The following RIMBP2 variants were observed in gnomAD, a reference collection of about 807,000 sequenced individuals.
The protein encoded by RIMBP2 is RIMS binding protein 2, also known as RIMS-binding protein 2.
RIMBP2 carries 48 observed loss-of-function variants against 118.6 expected under a neutral mutation model. The observed-to-expected ratio is 0.40, with a 90% CI of 0.32 to 0.51. The LOEUF is 0.51. Among genes scored for constraint, RIMBP2 ranks in the 20% least tolerant of loss-of-function variants. The pLI, the probability that RIMBP2 is intolerant of heterozygous loss-of-function variation, is 0.41. For synonymous variants in RIMBP2, 762 were observed against 742.9 expected (o/e 1.03, Z -0.42); for missense variants, 1,551 against 1,768.3 (o/e 0.88, Z 2.20).
chr12:130,542,669 AG>A (rs2054722174), intron 2 of RIMBP2, among the ~76,000 whole-genome samples: 1 of 152,234 alleles, frequency 6.6e-6, no homozygotes, highest in African/African-American at 2.4e-5. Flanking sequence ...GAGAACACAG[AG>A]GCCAGCAGCC....
chr12:130,410,156 A>C (rs964431335), intron 19 of RIMBP2, among the ~76,000 whole-genome samples: 7 of 152,192 alleles, frequency 4.6e-5, no homozygotes, highest in South Asian at 4.1e-4. Context: ...AGATCTTTTC[A>C]TGTGCTTATT....
At position 130,535,780 on chromosome 12, in the gene RIMBP2, T is replaced by C. The variant is rs371107634; in HGVS notation, c.-216-17863A>G. ...ATATATATATATATATATATATATA[T>C]ATACACATATTTTTTTGAGCCAGGG... On this transcript the variant is annotated intron_variant, in intron 2 of 22. Transcript: ENST00000690449. Among the ~76,000 whole-genome samples the C allele has an allele frequency of 4.3e-3, 574 of 132,158 alleles. 7 individuals are homozygous for C. The highest frequency in any genetic ancestry group is 0.014 in the African/African-American group (512 of 36,404). The allele number at this position is 132,158 out of a possible 152,430, so 86.7% of individuals were successfully genotyped here. A position where few individuals can be genotyped will look rare whatever the true frequency, so the allele number is the denominator to read the frequency against.
intron 5 of RIMBP2, among the ~76,000 whole-genome samples, chr12:130,478,235 G>A (rs1421171346): frequency 6.6e-6 from 1 of 152,062 alleles, no homozygotes; most frequent in Middle Eastern, 3.2e-3. Flanking sequence ...TTTCCTTTCT[G>A]TCTTACTCAT....
In RIMBP2 at chr12:130,495,109, A is replaced by C. The variant is rs549381505; in HGVS notation, c.-4+11539T>G. ...GCCTGCCCTACTCCAAGATGACCTTATATTAATGACATCTGGACAGACTCA... is the reference window on the plus strand; with the variant it reads ...GCCTGCCCTACTCCAAGATGACCTTCTATTAATGACATCTGGACAGACTCA... On this transcript the variant is annotated intron_variant, in intron 4 of 22. Coordinates refer to ENST00000690449, the MANE Select transcript of RIMBP2 (RefSeq NM_001393629.1). Among the ~76,000 whole-genome samples, 26 of 152,368 alleles carry C rather than the reference A, an allele frequency of 1.7e-4. 1 individual carries two copies. The South Asian group carries it at 5.4e-3, about 32-fold the overall frequency.
intron 2 of RIMBP2, among the ~76,000 whole-genome samples, chr12:130,552,657 T>C (rs1036620585): frequency 9.8e-5 from 15 of 152,358 alleles, no homozygotes; most frequent in African/African-American, 3.6e-4. Flanking sequence ...TTGTTCATTC[T>C]GCCAGTTCAG....
chr12:130,706,707 A>C (rs1426974002), intron 1 of RIMBP2, among the ~76,000 whole-genome samples: 1 of 152,170 alleles, frequency 6.6e-6, no homozygotes, highest in Non-Finnish European at 1.5e-5. Context: ...CAGTTAAATG[A>C]GCTAGCTGGT....
intron 1 of RIMBP2, among the ~76,000 whole-genome samples, chr12:130,631,624 T>C (rs1393617854): frequency 6.6e-6 from 1 of 151,902 alleles, no homozygotes; most frequent in Non-Finnish European, 1.5e-5. Flanking sequence ...GAGAACCACT[T>C]ATCTACCACC....
At chr12:130,673,469 C>T (rs2064293458) in intron 1 of RIMBP2, among the ~76,000 whole-genome samples, 1 of 152,190 alleles carries the variant, frequency 6.6e-6, no homozygotes, top group Non-Finnish European at 1.5e-5. Flanking sequence ...AGAATCAATC[C>T]CCATGGCCCA....
chr12:130,674,421 A>G (rs2136477377), intron 1 of RIMBP2, among the ~76,000 whole-genome samples: 2 of 152,172 alleles, frequency 1.3e-5, no homozygotes, highest in East Asian at 3.9e-4. Context: ...GGGGATGAGG[A>G]CGTAGTTGTG....
intron 1 of RIMBP2, among the ~76,000 whole-genome samples, chr12:130,666,237 A>T (rs375341677): frequency 1.3e-5 from 2 of 152,198 alleles, no homozygotes; most frequent in Non-Finnish European, 2.9e-5. Flanking sequence ...TTTTATCGGA[A>T]CTATGCAAGG....
At position 130,412,694 on chromosome 12, in the gene RIMBP2, C is replaced by T. The variant is rs2075813252; in HGVS notation, c.3514G>A (p.Ala1172Thr). 1 of 1,613,872 alleles carries T rather than the reference C, an allele frequency of 6.2e-7. No individual in the cohort carries two copies. The highest frequency in any genetic ancestry group is 8.5e-7 in the Non-Finnish European group (1 of 1,179,970). ...IPCNMVSEIQ[A>T]DDEEMMDQLL... ...TGATCCATCATCTCCTCATCATCTG[C>T]TTGTATCTCAGAGACCATGTTACAA... The change falls in exon 19 of 23, where the codon GCA becomes ACA. Residue 1172 changes from alanine (A) to threonine (T), a missense_variant. Transcript: ENST00000690449.
intron 2 of RIMBP2, among the ~76,000 whole-genome samples, chr12:130,563,925 C>T (rs1442823638): frequency 6.6e-6 from 1 of 151,394 alleles, no homozygotes. Flanking sequence ...CTGCTGGGCT[C>T]TACATAACCT....
chr12:130,646,173 G>C (rs12824807), intron 1 of RIMBP2, among the ~76,000 whole-genome samples: 1,101 of 3,508 alleles, frequency 0.31, 160 homozygotes, highest in South Asian at 0.45. Flanking sequence ...CTCACCACCT[G>C]CCTCTCCACC....
chr12:130,615,227 T>G (rs2060832642), intron 2 of RIMBP2, among the ~76,000 whole-genome samples: 1 of 111,440 alleles, frequency 9.0e-6, no homozygotes, highest in Admixed American at 9.9e-5. Context: ...ATTATATACA[T>G]AAATGTATAT....
At position 130,644,691 on chromosome 12, in the gene RIMBP2, G is replaced by A. The variant is rs574707663; in HGVS notation, c.-351-16235C>T. Reference sequence around the variant, plus strand: ...AGACTTCAGGGGCAGCAAGGCTAGCGAGTGACGTCGGAAAAGCCACAGGAC... The same window carrying A: ...AGACTTCAGGGGCAGCAAGGCTAGCAAGTGACGTCGGAAAAGCCACAGGAC... On this transcript the variant is annotated intron_variant, in intron 1 of 22. Coordinates refer to ENST00000690449, the MANE Select transcript of RIMBP2 (RefSeq NM_001393629.1). Among the ~76,000 whole-genome samples the A allele has an allele frequency of 9.5e-4, 144 of 152,330 alleles. 1 individual carries two copies. Among genetic ancestry groups the A allele is most frequent in the African/African-American group, 3.2e-3 (131 of 41,574 alleles).
chr12:130,451,511 C>T (rs2079010369), intron 7 of RIMBP2, among the ~76,000 whole-genome samples, 171 bp from the exon 8 acceptor site: 1 of 152,276 alleles, frequency 6.6e-6, no homozygotes, highest in Non-Finnish European at 1.5e-5. Context: ...GGCGGCGCGA[C>T]CCCACCCTCA....
At position 130,469,594 on chromosome 12, in the gene RIMBP2, T is replaced by C. The variant is rs2080825312; in HGVS notation, c.153+1099A>G. 6.6e-6 allele frequency among the ~76,000 whole-genome samples: 1 copy of C among 152,218 alleles called. No homozygotes were observed. The highest frequency in any genetic ancestry group is 2.1e-4 in the South Asian group (1 of 4,834). On this transcript the variant is annotated intron_variant, in intron 6 of 22. Transcript: ENST00000690449. The surrounding 1 kb of genome is among the most constrained non-coding windows in gnomAD (Gnocchi z 4.8). ...TCATCACACTCCTCCCTCCAGATAGTCATTAACTAATGGAGGCTTTCAGAA... is the reference window on the plus strand; with the variant it reads ...TCATCACACTCCTCCCTCCAGATAGCCATTAACTAATGGAGGCTTTCAGAA...
At chr12:130,486,483 T>G in intron 4 of RIMBP2, among the ~76,000 whole-genome samples, 1 of 135,006 alleles carries the variant, frequency 7.4e-6, no homozygotes. Context: ...CCGCCACTCA[T>G]ACCCAACTGC....
chr12:130,546,233 A>G (rs2055149730), intron 2 of RIMBP2, among the ~76,000 whole-genome samples: 1 of 151,544 alleles, frequency 6.6e-6, no homozygotes. Context: ...CCACCCGAGT[A>G]GCTGGGACTA....
Sources: gnomAD v4.1 joint callset for allele counts (sites outside exome capture counted in the v4.1 genomes callset) on GRCh38, gnomAD v4.1.1 for gene constraint, Gnocchi (gnomAD v3.1) non-coding constraint, MANE v1.5 for transcripts, NCBI Gene and HGNC (gene_info 2026-07-23, HGNC 2026-07-21) for gene names.